GALNT17: variants seen among roughly 807,000 people sequenced by gnomAD.
GALNT17 encodes UDP-GalNAc:polypeptide N-acetylgalactosaminyltransferase-like 3.
A neutral mutation model predicts 63.7 loss-of-function variants in GALNT17; 29 were observed. The observed-to-expected ratio is 0.46, with a 90% CI of 0.34 to 0.62. The LOEUF is 0.62. Among genes scored for constraint, GALNT17 ranks in the 20% least tolerant of loss-of-function variants. GALNT17 has a pLI of 0.01. For missense variants in GALNT17, 603 were observed against 799.6 expected (o/e 0.75, Z 2.97); for synonymous variants, 305 against 318.3 (o/e 0.96, Z 0.45).
At chr7:71,176,739 G>A (rs1788645724) in intron 1 of GALNT17, among the ~76,000 whole-genome samples, 1 of 152,136 alleles carries the variant, frequency 6.6e-6, no homozygotes. Flanking sequence ...AGTGGAGGTG[G>A]CAGGTGTTTG....
At position 71,288,287 on chromosome 7, in the gene GALNT17, C is replaced by T. The variant is rs139165907; in HGVS notation, c.239-47263C>T. Among the ~76,000 whole-genome samples the T allele has an allele frequency of 4.6e-3, 693 of 150,582 alleles. 6 individuals are homozygous for T. Among genetic ancestry groups the T allele is most frequent in the African/African-American group, 0.015 (632 of 40,840 alleles). ...TGCTGTTCATTAAATAGAAGTGTAT[C>T]GTCATAAAGGTCTTCATCCTCATCG... On this transcript the variant is annotated intron_variant, in intron 1 of 10. Transcript: ENST00000333538.
chr7:71,551,236 C>T (rs1457778440), intron 5 of GALNT17, among the ~76,000 whole-genome samples: 1 of 152,148 alleles, frequency 6.6e-6, no homozygotes, highest in Non-Finnish European at 1.5e-5. Context: ...GTCTAATCTG[C>T]TGATAAATGA....
intron 2 of GALNT17, among the ~76,000 whole-genome samples, chr7:71,373,652 T>C (rs1583899530): frequency 2.0e-5 from 3 of 152,318 alleles, no homozygotes; most frequent in Non-Finnish European, 2.9e-5. Context: ...ATAGGAGTAT[T>C]GTGAATTCTG....
chr7:71,186,091 C>T (rs762379456), intron 1 of GALNT17, among the ~76,000 whole-genome samples: 1 of 152,138 alleles, frequency 6.6e-6, no homozygotes, highest in Non-Finnish European at 1.5e-5. Flanking sequence ...TTAGGTTTTC[C>T]AAAAATGGTA....
At chr7:71,528,022 A>T (rs185419588) in intron 5 of GALNT17, among the ~76,000 whole-genome samples, 4 of 152,230 alleles carry the variant, frequency 2.6e-5, no homozygotes. Flanking sequence ...GGTCTTGGCA[A>T]GCAAGCTACA....
intron 6 of GALNT17, among the ~76,000 whole-genome samples, chr7:71,638,171 C>A (rs919455651): frequency 5.9e-5 from 9 of 152,166 alleles, no homozygotes; most frequent in African/African-American, 2.2e-4. Flanking sequence ...CATGCTAATG[C>A]ATTATAATTA....
intron 5 of GALNT17, among the ~76,000 whole-genome samples, chr7:71,501,095 G>A (rs1006014345): frequency 1.3e-5 from 2 of 152,080 alleles, no homozygotes; most frequent in Admixed American, 6.6e-5. Context: ...TCAGCCTCCT[G>A]AGTAGCTGGG....
At chr7:71,144,414 T>C (rs1159221869) in intron 1 of GALNT17, among the ~76,000 whole-genome samples, 1 of 152,128 alleles carries the variant, frequency 6.6e-6, no homozygotes, top group Non-Finnish European at 1.5e-5. Flanking sequence ...ATAATCATCA[T>C]TATTATTGGC....
At chr7:71,619,067 A>G (rs951784151) in intron 6 of GALNT17, among the ~76,000 whole-genome samples, 1 of 152,166 alleles carries the variant, frequency 6.6e-6, no homozygotes, top group African/African-American at 2.4e-5. Flanking sequence ...TTGAGTAGCA[A>G]GTTATTTGCT....
chr7:71,479,040 GT>G (rs1377791003), intron 5 of GALNT17, among the ~76,000 whole-genome samples: 1 of 152,194 alleles, frequency 6.6e-6, no homozygotes, highest in Non-Finnish European at 1.5e-5. Context: ...GCACTTCGCA[GT>G]TTTGTGAAAT....
At chr7:71,429,277 G>A (rs181668669) in intron 5 of GALNT17, among the ~76,000 whole-genome samples, 2 of 152,254 alleles carry the variant, frequency 1.3e-5, no homozygotes, top group African/African-American at 2.4e-5. Context: ...AGAAGGAGGC[G>A]TGGGTGGGCT....
chr7:71,246,557 G>A (rs1000235850), intron 1 of GALNT17, among the ~76,000 whole-genome samples: 1 of 151,808 alleles, frequency 6.6e-6, no homozygotes, highest in African/African-American at 2.4e-5. Context: ...GAGGCCAGGC[G>A]TGGTGGCTCA....
chr7:71,168,630 C>T lies in GALNT17; in HGVS notation c.238+35590C>T, dbSNP rs570919123. On this transcript the variant is annotated intron_variant, in intron 1 of 10. Coordinates refer to ENST00000333538, the MANE Select transcript of GALNT17 (RefSeq NM_022479.3). ...CCGTAACATGACGTTTTTATATACTCATATATAGTGAATTAAATATTTAAT... is the reference window on the plus strand; with the variant it reads ...CCGTAACATGACGTTTTTATATACTTATATATAGTGAATTAAATATTTAAT... Among the ~76,000 whole-genome samples, 9 of 151,798 alleles carry T rather than the reference C, an allele frequency of 5.9e-5. No individual in the cohort carries two copies. In the East Asian group the frequency reaches 1.7e-3, roughly 29 times the overall value.
chr7:71,178,978 C>G (rs1182844721), intron 1 of GALNT17, among the ~76,000 whole-genome samples: 1 of 152,082 alleles, frequency 6.6e-6, no homozygotes, highest in Admixed American at 6.5e-5. Context: ...TGTGGAGACT[C>G]TGGATCCTGC....
intron 5 of GALNT17, among the ~76,000 whole-genome samples, chr7:71,435,748 A>C (rs188106908): frequency 6.6e-6 from 1 of 152,068 alleles, no homozygotes; most frequent in Admixed American, 6.6e-5. Flanking sequence ...AGCCAGGCGC[A>C]ATGGCTCACG....
At chr7:71,403,799 C>G (rs1793281448) in intron 3 of GALNT17, among the ~76,000 whole-genome samples, 1 of 152,110 alleles carries the variant, frequency 6.6e-6, no homozygotes, top group Non-Finnish European at 1.5e-5. Context: ...AGCGTGTAAC[C>G]CTGTTCTCCC....
intron 9 of GALNT17, among the ~76,000 whole-genome samples, chr7:71,710,379 G>C (rs558043144): frequency 3.3e-5 from 5 of 152,232 alleles, no homozygotes; most frequent in Middle Eastern, 6.8e-3. Flanking sequence ...GTGGTGGTGC[G>C]CGCCTGTAAT....
intron 1 of GALNT17, among the ~76,000 whole-genome samples, chr7:71,199,766 C>T (rs1050817443): frequency 2.6e-5 from 4 of 151,796 alleles, no homozygotes; most frequent in African/African-American, 9.7e-5. Context: ...CTCCATCCAT[C>T]CATCCACCCA....
intron 1 of GALNT17, among the ~76,000 whole-genome samples, chr7:71,269,041 C>T (rs1293655145): frequency 6.6e-6 from 1 of 152,186 alleles, no homozygotes; most frequent in Non-Finnish European, 1.5e-5. Flanking sequence ...AGCTTACTGC[C>T]ATATCAGGGA....
Sources: allele counts gnomAD v4.1 joint callset (sites outside exome capture counted in the v4.1 genomes callset), GRCh38; gene constraint gnomAD v4.1.1; transcripts MANE v1.5; gene names NCBI Gene and HGNC (gene_info 2026-07-23, HGNC 2026-07-21).